The following MYO1D variants were observed in gnomAD, a reference collection of about 807,000 sequenced individuals.
MYO1D encodes the protein myosin ID.
MYO1D carries 83 observed loss-of-function variants against 122.0 expected under a neutral mutation model. That is an observed-to-expected ratio of 0.68 (90% CI 0.57 to 0.82). The LOEUF is 0.82. Among genes scored for constraint, MYO1D ranks in the 40% least tolerant of loss-of-function variants. The pLI, the probability that MYO1D is intolerant of heterozygous loss-of-function variation, is 0.00. For synonymous variants in MYO1D, 464 were observed against 446.9 expected (o/e 1.04, Z -0.48); for missense variants, 1,157 against 1,269.5 (o/e 0.91, Z 1.35).
chr17:32,633,672 T>C (rs1011702856), intron 20 of MYO1D, among the ~76,000 whole-genome samples: 2 of 151,448 alleles, frequency 1.3e-5, no homozygotes, highest in Non-Finnish European at 2.9e-5. Flanking sequence ...GATCAAGCTA[T>C]TACACATTTC....
At chr17:32,601,421 C>T (rs951067814) in intron 21 of MYO1D, among the ~76,000 whole-genome samples, 1 of 152,218 alleles carries the variant, frequency 6.6e-6, no homozygotes, top group African/African-American at 2.4e-5. Context: ...AGAACGCACA[C>T]GACATTGATC....
intron 21 of MYO1D, among the ~76,000 whole-genome samples, chr17:32,582,660 TCAG>T (rs2087352887): frequency 2.8e-5 from 3 of 107,990 alleles, no homozygotes; most frequent in Non-Finnish European, 6.8e-5. Flanking sequence ...CTAGTTCAAC[TCAG>T]TTCAACTCAG....
chr17:32,870,960 A>T (rs2091173793), intron 1 of MYO1D, among the ~76,000 whole-genome samples: 1 of 152,216 alleles, frequency 6.6e-6, no homozygotes, highest in African/African-American at 2.4e-5. Flanking sequence ...GAATATGATA[A>T]ATTCTCTGTT....
Position 32,493,606 on chromosome 17 carries a change from G to C in MYO1D, c.*1153C>G, listed in dbSNP as rs528908897. The C allele has an allele frequency of 6.6e-6, 1 of 152,502 alleles. No individual in the cohort carries two copies. Among genetic ancestry groups the C allele is most frequent in the South Asian group, 2.1e-4 (1 of 4,830 alleles). The allele number at this position is 152,502 out of a possible 1,614,324, so 9.4% of individuals were successfully genotyped here. A position where few individuals can be genotyped will look rare whatever the true frequency, so the allele number is the denominator to read the frequency against. On this transcript the variant is annotated 3_prime_UTR_variant, in exon 22 of 22. Transcript: ENST00000318217. ...TCCCTCAAGGCCTTCTCAGCAGCTG[G>C]GGCTCAGTGGGGAAGGTGGTCTCAG...
intron 1 of MYO1D, among the ~76,000 whole-genome samples, chr17:32,793,262 A>G (rs766983137): frequency 5.3e-5 from 8 of 151,878 alleles, no homozygotes; most frequent in Non-Finnish European, 8.8e-5. Context: ...ATATAAATAG[A>G]CAATGCTATG....
chr17:32,561,700 AAAAAAAAG>A lies in MYO1D; in HGVS notation c.2864+43379_2864+43386del, dbSNP rs1344361834. Among the ~76,000 whole-genome samples the A allele has an allele frequency of 1.2e-3, 173 of 147,704 alleles. 2 individuals carry two copies. Among genetic ancestry groups the A allele is most frequent in the Admixed American group, 1.9e-3 (28 of 14,702 alleles). On this transcript the variant is annotated intron_variant, in intron 21 of 21. Coordinates refer to ENST00000318217, the MANE Select transcript of MYO1D (RefSeq NM_015194.3). ...GGAGGCTCTGTCTCAAAAAAAAAAA[AAAAAAAAG>A]AAAACTTGGAAAGTGACAAAAAGCT...
intron 12 of MYO1D, chr17:32,745,554 A>G (rs980805965): frequency 9.6e-6 from 3 of 312,054 alleles, no homozygotes; most frequent in South Asian, 9.8e-5. Context: ...AGATAGCTGT[A>G]TTTATCATCC....
chr17:32,604,200 AAC>A (rs1491239900), intron 21 of MYO1D, among the ~76,000 whole-genome samples: 225 of 122,186 alleles, frequency 1.8e-3, no homozygotes, highest in South Asian at 0.011. Flanking sequence ...GAAAAAAAAA[AAC>A]ATACTAATAA....
intron 14 of MYO1D, among the ~76,000 whole-genome samples, chr17:32,733,848 C>A (rs1213813038): frequency 1.3e-5 from 2 of 152,144 alleles, no homozygotes; most frequent in Non-Finnish European, 2.9e-5. Context: ...TTTTATCTAA[C>A]ATTTTAGTTG....
chr17:32,874,088 C>T (rs979907144), intron 1 of MYO1D, among the ~76,000 whole-genome samples: 1 of 152,194 alleles, frequency 6.6e-6, no homozygotes, highest in Non-Finnish European at 1.5e-5. Flanking sequence ...TCCTACCCAT[C>T]CTTTGGAACT....
chr17:32,520,971 T>C (rs1217414191), intron 21 of MYO1D, among the ~76,000 whole-genome samples: 2 of 152,222 alleles, frequency 1.3e-5, no homozygotes, highest in Non-Finnish European at 2.9e-5. Context: ...ACTCAGCTGC[T>C]GAGAACATAG....
chr17:32,827,765 C>T (rs2090735983), intron 1 of MYO1D, among the ~76,000 whole-genome samples: 1 of 151,956 alleles, frequency 6.6e-6, no homozygotes, highest in African/African-American at 2.4e-5. Context: ...TGGTCAGTGA[C>T]TATGTACACA....
intron 1 of MYO1D, among the ~76,000 whole-genome samples, chr17:32,788,958 T>C (rs924174541): frequency 6.6e-6 from 1 of 152,160 alleles, no homozygotes. Context: ...CCTTGCAATC[T>C]TTCACCTCCT....
intron 21 of MYO1D, among the ~76,000 whole-genome samples, chr17:32,593,002 A>G (rs1325073659): frequency 1.3e-5 from 2 of 152,010 alleles, no homozygotes; most frequent in African/African-American, 2.4e-5. Flanking sequence ...CTTCCAAAAC[A>G]TGCTCTTCCT....
intron 14 of MYO1D, among the ~76,000 whole-genome samples, chr17:32,731,857 C>T (rs1401719188): frequency 6.6e-6 from 1 of 152,208 alleles, no homozygotes; most frequent in Non-Finnish European, 1.5e-5. Flanking sequence ...GAAGCCATAA[C>T]CACCCAGCCA....
intron 21 of MYO1D, among the ~76,000 whole-genome samples, chr17:32,551,743 C>T (rs1216052790): frequency 6.6e-6 from 1 of 152,150 alleles, no homozygotes; most frequent in East Asian, 1.9e-4. Flanking sequence ...GACCCATTAT[C>T]CTTTCTATTT....
intron 6 of MYO1D, among the ~76,000 whole-genome samples, chr17:32,769,285 C>T (rs190782839): frequency 6.6e-6 from 1 of 152,102 alleles, no homozygotes; most frequent in Non-Finnish European, 1.5e-5. Flanking sequence ...GAAAACCAGC[C>T]TAAGAGGACA....
At chr17:32,556,545 G>A (rs1327787560) in intron 21 of MYO1D, among the ~76,000 whole-genome samples, 1 of 127,890 alleles carries the variant, frequency 7.8e-6, no homozygotes, top group South Asian at 2.7e-4. Flanking sequence ...AGGGTTTATG[G>A]CCACAATTTT....
At chr17:32,590,293 C>T (rs1434025742) in intron 21 of MYO1D, among the ~76,000 whole-genome samples, 1 of 152,204 alleles carries the variant, frequency 6.6e-6, no homozygotes, top group African/African-American at 2.4e-5. Flanking sequence ...TGGGGAGCAT[C>T]TCACCTCATC....
Sources: allele counts gnomAD v4.1 joint callset (sites outside exome capture counted in the v4.1 genomes callset), GRCh38; gene constraint gnomAD v4.1.1; transcripts MANE v1.5; gene names NCBI Gene and HGNC (gene_info 2026-07-23, HGNC 2026-07-21).